EFNA5: variants seen among roughly 807,000 people sequenced by gnomAD.
EFNA5 encodes the protein ephrin A5.
EFNA5 carries 5 observed loss-of-function variants against 22.9 expected under a neutral mutation model. The observed-to-expected ratio is 0.22, with a 90% CI of 0.11 to 0.46. EFNA5 has a LOEUF of 0.46. Among genes scored for constraint, EFNA5 ranks in the 20% least tolerant of loss-of-function variants. EFNA5 has a pLI of 0.99. For missense variants in EFNA5, 237 were observed against 293.3 expected, an observed-to-expected ratio of 0.81 and a Z score of 1.40; for synonymous variants, 113 against 112.2, an observed-to-expected ratio of 1.01 and a Z score of -0.04.
At chr5:107,526,493 G>A (rs547827705) in intron 1 of EFNA5, among the ~76,000 whole-genome samples, 1 of 152,292 alleles carries the variant, frequency 6.6e-6, no homozygotes, top group East Asian at 1.9e-4. Context: ...TCTGAACATG[G>A]CCACCCTCTG....
intron 1 of EFNA5, among the ~76,000 whole-genome samples, chr5:107,540,331 T>C (rs369418979): frequency 5.9e-5 from 9 of 152,214 alleles, no homozygotes; most frequent in East Asian, 1.9e-4. Context: ...AACCTGTTTA[T>C]ATAAGTTTGC....
intron 1 of EFNA5, among the ~76,000 whole-genome samples, chr5:107,596,486 C>T (rs892033299): frequency 3.3e-5 from 5 of 152,038 alleles, no homozygotes; most frequent in African/African-American, 4.8e-5. Context: ...TATAAATATA[C>T]GCCACATTTT....
In EFNA5 at chr5:107,550,926, G is replaced by A. The variant is rs914667028; in HGVS notation, c.125+119563C>T. ...ACTATAAATTTGGTAATTTTAAAAA[G>A]CTTTAGTATACAAATATCACATTAT... On this transcript the variant is annotated intron_variant, in intron 1 of 4. Coordinates refer to ENST00000333274, the MANE Select transcript of EFNA5 (RefSeq NM_001962.3). 3.3e-5 allele frequency among the ~76,000 whole-genome samples: 5 copies of A among 152,242 alleles called. No homozygotes were observed. The South Asian group carries it at 8.3e-4, about 25-fold the overall frequency.
chr5:107,604,476 C>T (rs1749670545), intron 1 of EFNA5, among the ~76,000 whole-genome samples: 1 of 152,114 alleles, frequency 6.6e-6, no homozygotes, highest in Non-Finnish European at 1.5e-5. Context: ...AAACAGAACA[C>T]TAGTCTCAGT....
At chr5:107,452,932 G>A (rs1749598733) in intron 1 of EFNA5, among the ~76,000 whole-genome samples, 1 of 151,986 alleles carries the variant, frequency 6.6e-6, no homozygotes. Context: ...CTTCAAATAA[G>A]TGAAAAGAAA....
intron 1 of EFNA5, among the ~76,000 whole-genome samples, chr5:107,561,909 AAATAT>A (rs1158628939): frequency 2.5e-4 from 38 of 152,156 alleles, no homozygotes; most frequent in African/African-American, 8.5e-4. Context: ...GTGAATATAT[AAATAT>A]ATACAGGCCA....
At chr5:107,511,321 C>T (rs757043758) in intron 1 of EFNA5, among the ~76,000 whole-genome samples, 36 of 152,076 alleles carry the variant, frequency 2.4e-4, no homozygotes, top group Middle Eastern at 3.4e-3. Flanking sequence ...CCACTGCTCC[C>T]GGCACCATAG....
intron 1 of EFNA5, among the ~76,000 whole-genome samples, chr5:107,628,816 A>T (rs1475437054): frequency 2.0e-5 from 3 of 152,146 alleles, no homozygotes; most frequent in Non-Finnish European, 4.4e-5. Flanking sequence ...AGTATTTTTG[A>T]GGTCTGGGGA....
At chr5:107,423,475 C>T (rs1487118639) in intron 2 of EFNA5, among the ~76,000 whole-genome samples, 1 of 150,164 alleles carries the variant, frequency 6.7e-6, no homozygotes, top group African/African-American at 2.4e-5. Flanking sequence ...TTTTTTGGCT[C>T]AAACAATCCT....
At chr5:107,510,738 C>CT (rs1457878387) in intron 1 of EFNA5, among the ~76,000 whole-genome samples, 1 of 152,068 alleles carries the variant, frequency 6.6e-6, no homozygotes, top group Non-Finnish European at 1.5e-5. Context: ...ACAGCCCAAT[C>CT]TTTTTTTATA....
At chr5:107,461,361 G>A (rs1031964974) in intron 1 of EFNA5, among the ~76,000 whole-genome samples, 1 of 152,108 alleles carries the variant, frequency 6.6e-6, no homozygotes, top group African/African-American at 2.4e-5. Flanking sequence ...CTATTCAGTA[G>A]AATTCTTTAA....
chr5:107,511,096 G>T (rs1747362057), intron 1 of EFNA5, among the ~76,000 whole-genome samples: 1 of 150,584 alleles, frequency 6.6e-6, no homozygotes, highest in Non-Finnish European at 1.5e-5. Context: ...GCACGATCTT[G>T]GCTCACTGCA....
intron 1 of EFNA5, among the ~76,000 whole-genome samples, chr5:107,481,849 C>CAAAAA (rs3078574): frequency 8.3e-6 from 1 of 119,856 alleles, no homozygotes. Context: ...GACTCCATCT[C>CAAAAA]AAAAAAAAAA....
chr5:107,381,435 C>A, intron 4 of EFNA5, 59 bp from the exon 5 acceptor site: 1 of 1,547,076 alleles, frequency 6.5e-7, no homozygotes, highest in Non-Finnish European at 8.8e-7. Context: ...AACTCTCTTG[C>A]AGCAGCCTGC....
At chr5:107,472,103 G>T (rs1750156408) in intron 1 of EFNA5, among the ~76,000 whole-genome samples, 1 of 152,144 alleles carries the variant, frequency 6.6e-6, no homozygotes, top group African/African-American at 2.4e-5. Context: ...AAGTTTGATT[G>T]AATAATTTAT....
At chr5:107,556,660 C>T (rs144374364) in intron 1 of EFNA5, among the ~76,000 whole-genome samples, 5 of 151,924 alleles carry the variant, frequency 3.3e-5, no homozygotes, top group African/African-American at 1.2e-4. Context: ...ACGGGAGAAT[C>T]GCTTCAACCG....
chr5:107,540,706 C>T (rs1228795125), intron 1 of EFNA5, among the ~76,000 whole-genome samples: 1 of 152,132 alleles, frequency 6.6e-6, no homozygotes. Flanking sequence ...TATACTTATA[C>T]TTTAAAGATC....
chr5:107,602,730 C>T (rs1325082036), intron 1 of EFNA5, among the ~76,000 whole-genome samples: 1 of 152,040 alleles, frequency 6.6e-6, no homozygotes, highest in African/African-American at 2.4e-5. Flanking sequence ...AGCTTACAAA[C>T]TGAGAAAGGA....
rs530292630 is a variant in EFNA5, at chr5:107,573,062, G to A, written c.125+97427C>T. 3.3e-5 allele frequency among the ~76,000 whole-genome samples: 5 copies of A among 152,314 alleles called. No individual in the cohort carries two copies. In the South Asian group the frequency reaches 8.3e-4, roughly 25 times the overall value. On this transcript the variant is annotated intron_variant, in intron 1 of 4. Transcript: ENST00000333274. ...AAAGAAACCTGTTTGTAAAGGCGCAGTGGGTCTTTCCCTTACTGGCACAAA... is the reference window on the plus strand; with the variant it reads ...AAAGAAACCTGTTTGTAAAGGCGCAATGGGTCTTTCCCTTACTGGCACAAA...
Sources: gnomAD v4.1 joint callset for allele counts (sites outside exome capture counted in the v4.1 genomes callset) on GRCh38, gnomAD v4.1.1 for gene constraint, MANE v1.5 for transcripts, NCBI Gene and HGNC (gene_info 2026-07-23, HGNC 2026-07-21) for gene names.